Variants in GALNT9 observed in about 807,000 individuals in gnomAD.
GALNT9 encodes the protein polypeptide N-acetylgalactosaminyltransferase 9, also known as GalNAc transferase 9.
GALNT9 carries 47 observed loss-of-function variants against 63.1 expected under a neutral mutation model. That is an observed-to-expected ratio of 0.75 (90% CI 0.59 to 0.95). The LOEUF (loss-of-function observed/expected upper bound fraction) is 0.95. Ranked by LOEUF, GALNT9 falls within the 40% of genes least tolerant of loss-of-function variation. The pLI is 0.00. For missense variants in GALNT9, 829 were observed against 874.8 expected (o/e 0.95, Z 0.66); for synonymous variants, 396 against 365.7 (o/e 1.08, Z -0.94).
In GALNT9 at chr12:132,247,843, T is replaced by C. The variant is rs1259166819; in HGVS notation, c.1077+67A>G. The C allele has an allele frequency of 1.3e-5, 19 of 1,509,346 alleles. No individual in the cohort carries two copies. The Admixed American group carries it at 2.9e-4, about 23-fold the overall frequency. 93.5% of individuals were successfully genotyped at this position (1,509,346 alleles called of 1,614,324 possible). ...GACACCGCGGCCTCACTCGCCCTCATCCTGTTCCCAGACGCTGTGGCCTCA... is the reference window on the plus strand; with the variant it reads ...GACACCGCGGCCTCACTCGCCCTCACCCTGTTCCCAGACGCTGTGGCCTCA... On this transcript the variant is annotated intron_variant, in intron 6 of 10. Coordinates refer to ENST00000328957, the MANE Select transcript of GALNT9 (RefSeq NM_001122636.2).
At chr12:132,205,188 TCA>T (rs141790751) in intron 6 of GALNT9, among the ~76,000 whole-genome samples, 3,772 of 151,696 alleles carry the variant, frequency 0.025, 153 homozygotes, top group African/African-American at 0.086. Flanking sequence ...AGGGCCACAC[TCA>T]CACGTCCCCT....
chr12:132,198,012 G>C, intron 9 of GALNT9, 53 bp from the exon 10 acceptor site: 5 of 1,476,700 alleles, frequency 3.4e-6, no homozygotes, highest in Non-Finnish European at 4.7e-6. Context: ...GCTCTCCCCA[G>C]TGAGCACTGA....
intron 1 of GALNT9, among the ~76,000 whole-genome samples, chr12:132,325,499 GATGAGCGTGCA>G (rs1555246458): frequency 6.6e-6 from 1 of 152,206 alleles, no homozygotes; most frequent in Non-Finnish European, 1.5e-5. Flanking sequence ...CCGTGGGCAG[GATGAGCGTGCA>G]ATGAGCGTGC....
At chr12:132,221,687 G>T (rs1204202767) in intron 6 of GALNT9, among the ~76,000 whole-genome samples, 1 of 126,410 alleles carries the variant, frequency 7.9e-6, no homozygotes, top group Non-Finnish European at 1.6e-5. Flanking sequence ...AAGCAAGCAA[G>T]CCTGAGATGG....
intron 2 of GALNT9, among the ~76,000 whole-genome samples, chr12:132,266,536 C>T (rs1219944351): frequency 1.3e-5 from 2 of 152,198 alleles, no homozygotes; most frequent in African/African-American, 2.4e-5. Context: ...GGCCGAGACT[C>T]GAATGGCACG....
At chr12:132,299,465 C>A (rs1259172951) in intron 1 of GALNT9, among the ~76,000 whole-genome samples, 2 of 119,994 alleles carry the variant, frequency 1.7e-5, no homozygotes, top group Non-Finnish European at 3.4e-5. Context: ...ACCTAACCCA[C>A]CCCTGAGATG....
chr12:132,259,794 C>T (rs1879294478), intron 4 of GALNT9, among the ~76,000 whole-genome samples: 1 of 152,190 alleles, frequency 6.6e-6, no homozygotes, highest in South Asian at 2.1e-4. Context: ...CCACCAAGGC[C>T]CCCTGCAGTG....
intron 2 of GALNT9, among the ~76,000 whole-genome samples, chr12:132,267,826 C>T (rs1879684221): frequency 6.7e-6 from 1 of 149,282 alleles, no homozygotes; most frequent in Non-Finnish European, 1.5e-5. Flanking sequence ...CTCACACATG[C>T]AGTCACACAC....
intron 2 of GALNT9, among the ~76,000 whole-genome samples, chr12:132,269,055 C>T (rs1555240486): frequency 6.6e-6 from 1 of 152,250 alleles, no homozygotes; most frequent in Non-Finnish European, 1.5e-5. Context: ...TGTTTGCCTC[C>T]ATTAGACAGG....
At chr12:132,328,800 G>A (rs926418836) in intron 1 of GALNT9, among the ~76,000 whole-genome samples, 166 bp downstream of exon 1, 6 of 152,218 alleles carry the variant, frequency 3.9e-5, no homozygotes, top group Admixed American at 2.0e-4. Flanking sequence ...GTTGCTGCCC[G>A]CTGCTGAAGG....
Position 132,296,870 on chromosome 12 carries a change from A to G in GALNT9, c.239-10440T>C, listed in dbSNP as rs138879527. 3.1e-3 allele frequency among the ~76,000 whole-genome samples: 472 copies of G among 152,228 alleles called. 1 individual carries two copies. Among genetic ancestry groups the G allele is most frequent in the African/African-American group, 0.011 (449 of 41,528 alleles). On this transcript the variant is annotated intron_variant, in intron 1 of 10. Transcript: ENST00000328957. This position sits in a 1 kb window ranked among gnomAD's most constrained non-coding sequence, Gnocchi z 4.2. ...GGGGGAGGGTGGAACTCTTCCTTCC[A>G]TCAGGAGCCCACTCCCACACAAACC...
At chr12:132,320,425 A>T (rs1868732447) in intron 1 of GALNT9, among the ~76,000 whole-genome samples, 1 of 152,246 alleles carries the variant, frequency 6.6e-6, no homozygotes, top group Admixed American at 6.5e-5. Flanking sequence ...GTCTCTACAG[A>T]AGCTTGAGTT....
chr12:132,275,974 G>A (rs1344244026), intron 2 of GALNT9: 2 of 152,412 alleles, frequency 1.3e-5, no homozygotes, highest in African/African-American at 4.8e-5. Context: ...GGCTCTTTCT[G>A]CTTAGAGAGT....
chr12:132,302,311 T>C (rs1486922372), intron 1 of GALNT9, among the ~76,000 whole-genome samples: 1 of 151,714 alleles, frequency 6.6e-6, no homozygotes, highest in African/African-American at 2.4e-5. Context: ...CTAGTATCAG[T>C]ATTTTCACAC....
At chr12:132,233,413 G>C (rs1877920680) in intron 6 of GALNT9, among the ~76,000 whole-genome samples, 1 of 49,200 alleles carries the variant, frequency 2.0e-5, no homozygotes, top group Non-Finnish European at 3.6e-5. Context: ...AGCCCCTAGT[G>C]CCACACACTC....
In GALNT9 at chr12:132,329,305, C is replaced by T. The variant is rs1420742650; in HGVS notation, c.-102G>A. ...TTCGGGGACCATGAGCCGCCCGGGG[C>T]TGCGGGGGCTGCGGGGCTCGGCCGG... On this transcript the variant is annotated 5_prime_UTR_variant, in exon 1 of 11. Transcript: ENST00000328957. The T allele has an allele frequency of 4.9e-6, 7 of 1,425,308 alleles. No individual in the cohort carries two copies. The highest frequency in any genetic ancestry group is 1.5e-5 in the South Asian group (1 of 68,492). The allele number at this position is 1,425,308 out of a possible 1,614,324, so 88.3% of individuals were successfully genotyped here.
chr12:132,268,119 CCACA>C (rs555370479), intron 2 of GALNT9, among the ~76,000 whole-genome samples: 2 of 141,430 alleles, frequency 1.4e-5, no homozygotes, highest in Non-Finnish European at 3.0e-5. Flanking sequence ...ACACACAAAC[CCACA>C]CACACACTCA....
chr12:132,199,199 T>C lies in GALNT9; in HGVS notation c.1472A>G (p.Tyr491Cys). The part of the protein sequence containing the change: ...GAEDGDRAIL[Y>C]PCHGMSSQLV... ...CTGGGAGGACATCCCGTGGCAGGGG[T>C]AGAGGATCGCCCGGTCGCCGTCCTC... Residue 491 changes from tyrosine (Y) to cysteine (C), a missense_variant, in exon 9 of 11, where the codon TAC becomes TGC. Tyr to Cys is a radical substitution (Grantham distance 194). Transcript: ENST00000328957. The C allele has an allele frequency of 6.2e-7, 1 of 1,602,746 alleles. No homozygotes were observed. The highest frequency in any genetic ancestry group is 8.5e-7 in the Non-Finnish European group (1 of 1,178,698).
intron 6 of GALNT9, among the ~76,000 whole-genome samples, chr12:132,224,676 CCA>C (rs1257946970): frequency 1.2e-3 from 126 of 102,330 alleles, no homozygotes; most frequent in African/African-American, 4.2e-3. Context: ...CCTATACACC[CCA>C]CACTACACAC....
Sources: gnomAD v4.1 joint callset for allele counts (sites outside exome capture counted in the v4.1 genomes callset) on GRCh38, gnomAD v4.1.1 for gene constraint, Gnocchi (gnomAD v3.1) non-coding constraint, MANE v1.5 for transcripts, NCBI Gene and HGNC (gene_info 2026-07-23, HGNC 2026-07-21) for gene names.